MAST4: variants seen among roughly 807,000 people sequenced by gnomAD.
The protein encoded by MAST4 is microtubule associated serine/threonine kinase family member 4.
A neutral mutation model predicts 162.7 loss-of-function variants in MAST4; 89 were observed. That is an observed-to-expected ratio of 0.55 (90% CI 0.46 to 0.65). The LOEUF (loss-of-function observed/expected upper bound fraction) is 0.65, where lower values mean the gene tolerates loss of function less well. Among genes scored for constraint, MAST4 ranks in the 30% least tolerant of loss-of-function variants. The probability of loss-of-function intolerance (pLI) is 0.00; values close to 1 mark genes in which losing one functional copy is unlikely to be tolerated. For synonymous variants in MAST4, 1,479 were observed against 1,361.1 expected (o/e 1.09, Z -1.91); for missense variants, 3,153 against 3,374.0 (o/e 0.93, Z 1.62).
chr5:66,880,731 T>C (rs1447454596), intron 3 of MAST4, among the ~76,000 whole-genome samples: 1 of 152,092 alleles, frequency 6.6e-6, no homozygotes, highest in Non-Finnish European at 1.5e-5. Context: ...CTAAGGAGAG[T>C]GGATTCCACT....
intron 4 of MAST4, among the ~76,000 whole-genome samples, chr5:67,041,999 GT>G (rs1756800949): frequency 6.6e-6 from 1 of 152,184 alleles, no homozygotes. Context: ...GAATTCAACA[GT>G]AGATCTACTA....
chr5:66,828,132 A>G (rs1757363022), intron 3 of MAST4, among the ~76,000 whole-genome samples: 1 of 152,152 alleles, frequency 6.6e-6, no homozygotes, highest in Non-Finnish European at 1.5e-5. Context: ...AGTTATTATC[A>G]TGAGGGAAAT....
At chr5:67,094,257 T>A (rs919926253) in intron 6 of MAST4, 10 of 819,224 alleles carry the variant, frequency 1.2e-5, no homozygotes. Context: ...TTTGCATTTA[T>A]TGGAGGTTAC....
At chr5:67,099,313 T>A (rs1561650112) in intron 7 of MAST4, among the ~76,000 whole-genome samples, 1 of 152,066 alleles carries the variant, frequency 6.6e-6, no homozygotes, top group Non-Finnish European at 1.5e-5. Context: ...GTGCTCTCAT[T>A]TTTTTATTGC....
intron 3 of MAST4, among the ~76,000 whole-genome samples, chr5:66,800,456 A>G (rs1488809371): frequency 6.6e-6 from 1 of 152,166 alleles, no homozygotes; most frequent in African/African-American, 2.4e-5. Flanking sequence ...AAAACCAAAT[A>G]CTGTATGTTC....
chr5:67,149,151 C>A (rs1458991264), intron 23 of MAST4, among the ~76,000 whole-genome samples: 1 of 152,162 alleles, frequency 6.6e-6, no homozygotes, highest in Non-Finnish European at 1.5e-5. Flanking sequence ...AATTAGCAGA[C>A]TTGTGTACAG....
chr5:66,790,292 TA>T (rs879559816), intron 3 of MAST4, among the ~76,000 whole-genome samples: 6 of 152,174 alleles, frequency 3.9e-5, no homozygotes, highest in Non-Finnish European at 8.8e-5. Flanking sequence ...GATAGCTGTA[TA>T]AACTTGGACA....
At position 66,664,694 on chromosome 5, in the gene MAST4, C is replaced by T. The variant is rs546310585; in HGVS notation, c.363+67676C>T. On this transcript the variant is annotated intron_variant, in intron 1 of 28. Transcript: ENST00000403625. ...AAGAACAAGGAGAGGATAAGACTTGCTCAAAAACCAAGAGAAGAAAAAACC... is the reference window on the plus strand; with the variant it reads ...AAGAACAAGGAGAGGATAAGACTTGTTCAAAAACCAAGAGAAGAAAAAACC... 8.1e-4 allele frequency among the ~76,000 whole-genome samples: 122 copies of T among 151,282 alleles called. 4 individuals carry two copies. In the South Asian group the frequency reaches 0.026, roughly 32 times the overall value.
chr5:66,892,538 A>G (rs1037173224), intron 3 of MAST4, among the ~76,000 whole-genome samples: 2 of 152,166 alleles, frequency 1.3e-5, no homozygotes, highest in African/African-American at 4.8e-5. Context: ...TGCCTTCTGT[A>G]TTACTGAAAT....
intron 3 of MAST4, among the ~76,000 whole-genome samples, chr5:66,804,911 ATG>A (rs1756110751): frequency 6.6e-6 from 1 of 152,114 alleles, no homozygotes; most frequent in Non-Finnish European, 1.5e-5. Context: ...TTTGCATTCT[ATG>A]TGGCATCTTC....
At chr5:67,084,177 A>G (rs561544724) in intron 5 of MAST4, among the ~76,000 whole-genome samples, 38 of 152,268 alleles carry the variant, frequency 2.5e-4, no homozygotes, top group Admixed American at 2.0e-3. Context: ...CACGCCCTAC[A>G]TGTTTTTCTT....
chr5:67,152,548 A>G, intron 24 of MAST4, 89 bp from the exon 25 acceptor site: 1 of 974,298 alleles, frequency 1.0e-6, no homozygotes, highest in Non-Finnish European at 1.6e-6. Context: ...CTATGCCCCC[A>G]GTCCTGGCAA....
intron 4 of MAST4, among the ~76,000 whole-genome samples, chr5:66,922,746 T>G (rs901960183): frequency 6.6e-6 from 1 of 152,216 alleles, no homozygotes; most frequent in African/African-American, 2.4e-5. Flanking sequence ...ATTTTAAATA[T>G]AATTGCAGTT....
chr5:66,684,955 A>G (rs778264136), intron 1 of MAST4, among the ~76,000 whole-genome samples: 1 of 152,138 alleles, frequency 6.6e-6, no homozygotes, highest in Non-Finnish European at 1.5e-5. Flanking sequence ...GGGGTTGGGC[A>G]TGAGTATTTA....
intron 4 of MAST4, among the ~76,000 whole-genome samples, chr5:67,034,891 G>C (rs1755815944): frequency 6.6e-6 from 1 of 152,112 alleles, no homozygotes; most frequent in African/African-American, 2.4e-5. Context: ...TATCTTCATT[G>C]ATGAGTGCAC....
At chr5:66,879,081 C>G (rs1352467127) in intron 3 of MAST4, among the ~76,000 whole-genome samples, 1 of 152,150 alleles carries the variant, frequency 6.6e-6, no homozygotes, top group African/African-American at 2.4e-5. Flanking sequence ...AGATGGCGAC[C>G]ATCCTGGCCA....
intron 3 of MAST4, among the ~76,000 whole-genome samples, chr5:66,863,284 C>A (rs1760247988): frequency 6.6e-6 from 1 of 152,174 alleles, no homozygotes; most frequent in African/African-American, 2.4e-5. Context: ...TGCCTCTTGT[C>A]CCATCAGACA....
chr5:66,943,727 T>G (rs1232266654), intron 4 of MAST4, among the ~76,000 whole-genome samples: 2 of 150,382 alleles, frequency 1.3e-5, no homozygotes, highest in African/African-American at 5.0e-5. Context: ...ATTACAGTGC[T>G]GGGAAATGTG....
chr5:66,787,793 T>C (rs1755184982), intron 2 of MAST4, among the ~76,000 whole-genome samples: 1 of 152,252 alleles, frequency 6.6e-6, no homozygotes, highest in East Asian at 1.9e-4. Flanking sequence ...CCTTTCATCA[T>C]TTAGTAAATA....
Sources: allele counts gnomAD v4.1 joint callset (sites outside exome capture counted in the v4.1 genomes callset), GRCh38; gene constraint gnomAD v4.1.1; transcripts MANE v1.5; gene names NCBI Gene and HGNC (gene_info 2026-07-23, HGNC 2026-07-21).